Variants in CCDC178 observed in about 807,000 individuals in gnomAD.
The protein encoded by CCDC178 is coiled-coil domain-containing protein 178.
A neutral mutation model predicts 117.4 loss-of-function variants in CCDC178; 126 were observed. The observed-to-expected ratio is 1.07, with a 90% CI of 0.93 to 1.24. The LOEUF (loss-of-function observed/expected upper bound fraction) is 1.24, where lower values mean the gene tolerates loss of function less well. Among genes scored for constraint, CCDC178 ranks in the 50% most tolerant of loss-of-function variants. The pLI is 0.00. For synonymous variants in CCDC178, 283 were observed against 313.4 expected (o/e 0.90, Z 1.02); for missense variants, 1,030 against 986.9 (o/e 1.04, Z -0.59).
chr18:33,308,478 T>G (rs1055158871), intron 11 of CCDC178, among the ~76,000 whole-genome samples: 7 of 152,228 alleles, frequency 4.6e-5, no homozygotes, highest in Non-Finnish European at 1.0e-4. Context: ...GGACTTGCCT[T>G]GTCTCAGATG....
intron 2 of CCDC178, among the ~76,000 whole-genome samples, chr18:33,430,464 T>C (rs966123233): frequency 2.0e-5 from 3 of 152,174 alleles, no homozygotes; most frequent in Non-Finnish European, 2.9e-5. Context: ...TTCAGGACCA[T>C]GTAATTGGAA....
chr18:33,160,368 T>A (rs572389041), intron 20 of CCDC178, among the ~76,000 whole-genome samples: 41 of 152,238 alleles, frequency 2.7e-4, no homozygotes, highest in Middle Eastern at 3.4e-3. Flanking sequence ...TTTAGCCACG[T>A]TTTTGGTAAA....
chr18:33,259,639 A>G (rs2059718204), intron 14 of CCDC178, among the ~76,000 whole-genome samples: 1 of 152,022 alleles, frequency 6.6e-6, no homozygotes. Flanking sequence ...GTCTGCCCCC[A>G]TGATTCAATC....
intron 12 of CCDC178, among the ~76,000 whole-genome samples, chr18:33,276,307 G>C (rs1401741760): frequency 1.3e-5 from 2 of 152,100 alleles, no homozygotes; most frequent in Non-Finnish European, 2.9e-5. Context: ...AACTGAAATA[G>C]GGGAGAATGC....
At chr18:33,093,624 G>A (rs938864447) in intron 20 of CCDC178, among the ~76,000 whole-genome samples, 2 of 151,296 alleles carry the variant, frequency 1.3e-5, no homozygotes, top group Non-Finnish European at 2.9e-5. Context: ...TTGGCAAATT[G>A]GGGGCTATCT....
chr18:33,285,401 A>C (rs1331349086), intron 12 of CCDC178, among the ~76,000 whole-genome samples: 1 of 152,184 alleles, frequency 6.6e-6, no homozygotes, highest in Non-Finnish European at 1.5e-5. Flanking sequence ...CAAATTTTCA[A>C]GAGAAAGTTA....
chr18:33,249,702 G>T (rs1331720151), intron 14 of CCDC178, among the ~76,000 whole-genome samples: 4 of 152,066 alleles, frequency 2.6e-5, no homozygotes, highest in Non-Finnish European at 5.9e-5. Context: ...GAGGGAGTGT[G>T]ATGCCTTCAG....
At chr18:33,085,453 C>T (rs1188304659) in intron 21 of CCDC178, among the ~76,000 whole-genome samples, 2 of 152,100 alleles carry the variant, frequency 1.3e-5, no homozygotes, top group African/African-American at 4.8e-5. Flanking sequence ...GTCCCAGCTA[C>T]TCGGGAGGCT....
At chr18:33,241,784 A>C (rs2059491062) in intron 15 of CCDC178, among the ~76,000 whole-genome samples, 1 of 151,754 alleles carries the variant, frequency 6.6e-6, no homozygotes, top group African/African-American at 2.4e-5. Flanking sequence ...GTTAAAATTA[A>C]TATTGTTAAA....
intron 21 of CCDC178, among the ~76,000 whole-genome samples, chr18:33,033,335 G>A (rs1222331334): frequency 6.6e-6 from 1 of 151,936 alleles, no homozygotes; most frequent in African/African-American, 2.4e-5. Context: ...CATGAGTTTA[G>A]CCTATGTCGC....
At chr18:33,201,141 A>T (rs1011394070) in intron 20 of CCDC178, among the ~76,000 whole-genome samples, 1 of 152,210 alleles carries the variant, frequency 6.6e-6, no homozygotes, top group Non-Finnish European at 1.5e-5. Context: ...AGCATTCACC[A>T]AGTGAAATGC....
intron 11 of CCDC178, 60 bp downstream of exon 11, chr18:33,323,431 C>A: frequency 2.7e-6 from 3 of 1,115,712 alleles, no homozygotes. Context: ...ATATACATTA[C>A]ATTTTTACTT....
At chr18:33,249,381 T>C (rs575256389) in intron 14 of CCDC178, among the ~76,000 whole-genome samples, 4 of 152,116 alleles carry the variant, frequency 2.6e-5, no homozygotes, top group South Asian at 2.1e-4. Context: ...AGTTTTCTTC[T>C]AGGGTTTTTA....
At chr18:33,384,583 C>A (rs1188565881) in intron 5 of CCDC178, among the ~76,000 whole-genome samples, 1 of 152,106 alleles carries the variant, frequency 6.6e-6, no homozygotes, top group African/African-American at 2.4e-5. Flanking sequence ...AGAAGAAATT[C>A]CAACCCAGAA....
intron 21 of CCDC178, among the ~76,000 whole-genome samples, chr18:32,976,971 C>A (rs567626742): frequency 6.6e-6 from 1 of 152,106 alleles, no homozygotes; most frequent in Non-Finnish European, 1.5e-5. Flanking sequence ...TGATGCTTAA[C>A]TATAAATTGT....
chr18:33,015,981 A>G (rs1156711157), intron 21 of CCDC178, among the ~76,000 whole-genome samples: 2 of 152,184 alleles, frequency 1.3e-5, no homozygotes, highest in Non-Finnish European at 2.9e-5. Context: ...AAGAAAAGTT[A>G]ACAGAGCCTC....
At chr18:33,305,596 T>TC (rs1313443244) in intron 11 of CCDC178, among the ~76,000 whole-genome samples, 3 of 152,080 alleles carry the variant, frequency 2.0e-5, no homozygotes, top group African/African-American at 7.2e-5. Flanking sequence ...TGCCAGTACG[T>TC]CTTTTGTGTA....
intron 20 of CCDC178, among the ~76,000 whole-genome samples, chr18:33,148,160 G>A (rs1170462466): frequency 1.3e-5 from 2 of 152,358 alleles, no homozygotes; most frequent in East Asian, 1.9e-4. Context: ...GTGAGACTCC[G>A]TCTGCAATCC....
intron 21 of CCDC178, among the ~76,000 whole-genome samples, chr18:33,086,421 T>TAC: frequency 6.7e-6 from 1 of 149,696 alleles, no homozygotes; most frequent in African/African-American, 2.5e-5. Flanking sequence ...TATATAAATA[T>TAC]ATATACACAC....
Sources: gnomAD v4.1 joint callset for allele counts (sites outside exome capture counted in the v4.1 genomes callset) on GRCh38, gnomAD v4.1.1 for gene constraint, MANE v1.5 for transcripts, NCBI Gene and HGNC (gene_info 2026-07-23, HGNC 2026-07-21) for gene names.